Variants in ITPKC observed in about 807,000 individuals in gnomAD.
The protein encoded by ITPKC is inositol-trisphosphate 3-kinase C, also known as IP3 3-kinase C.
A neutral mutation model predicts 67.1 loss-of-function variants in ITPKC; 33 were observed. The observed-to-expected ratio is 0.49, with a 90% CI of 0.37 to 0.66. ITPKC has a LOEUF of 0.66. ITPKC is among the 30% of genes least tolerant of loss of function. The probability of loss-of-function intolerance (pLI) is 0.00; values close to 1 mark genes in which losing one functional copy is unlikely to be tolerated. For synonymous variants in ITPKC, 341 were observed against 359.8 expected, an observed-to-expected ratio of 0.95 and a Z score of 0.59; for missense variants, 820 against 892.1, an observed-to-expected ratio of 0.92 and a Z score of 1.03.
intron 1 of ITPKC, among the ~76,000 whole-genome samples, chr19:40,721,385 G>A (rs1599647769): frequency 1.3e-5 from 2 of 150,404 alleles, no homozygotes; most frequent in Admixed American, 1.3e-4. Flanking sequence ...TTTGGAGGGC[G>A]TGCAGTGCGG....
In ITPKC at chr19:40,717,340, A is replaced by C; in HGVS notation, c.205A>C (p.Ser69Arg). The C allele has an allele frequency of 6.2e-7, 1 of 1,607,578 alleles. No individual in the cohort carries two copies. The highest frequency in any genetic ancestry group is 8.5e-7 in the Non-Finnish European group (1 of 1,178,230). The change falls in exon 1 of 7, where the codon AGC (serine) becomes CGC (arginine). Residue 69 changes from serine to arginine, a missense_variant. Physicochemically the swap from Ser to Arg is moderately radical, Grantham distance 110 (BLOSUM62 -1). Coordinates refer to ENST00000263370, the MANE Select transcript of ITPKC (RefSeq NM_025194.3). The stretch of plus-strand genomic sequence containing the variant: ...CCGGACAGAGGGGTCCAGCCTCCAC[A>C]GCGAGCCTGAGAGGGCCGGCCTCGG... ...WARTEGSSLH[S>R]EPERAGLGPA...
chr19:40,726,011 T>C (rs990739037), intron 2 of ITPKC, among the ~76,000 whole-genome samples: 38 of 148,924 alleles, frequency 2.6e-4, no homozygotes, highest in Non-Finnish European at 4.5e-4. Context: ...GAGGCCGAGG[T>C]GGGTGGATCC....
Position 40,729,192 on chromosome 19 carries a change from C to T in ITPKC, c.1256-10C>T, listed in dbSNP as rs2082259226. 8 of 1,610,662 alleles carry T rather than the reference C, an allele frequency of 5.0e-6. No individual in the cohort carries two copies. Among genetic ancestry groups the T allele is most frequent in the Middle Eastern group, 1.7e-4 (1 of 6,054 alleles). ...GTTCCTGATCCTCTCATTTATTCTACCACCTTTAGGGAACTTCCAGGCAGG... is the reference window on the plus strand; with the variant it reads ...GTTCCTGATCCTCTCATTTATTCTATCACCTTTAGGGAACTTCCAGGCAGG... On this transcript the variant is annotated splice_polypyrimidine_tract_variant and intron_variant, in intron 2 of 6. Coordinates refer to ENST00000263370, the MANE Select transcript of ITPKC (RefSeq NM_025194.3).
chr19:40,738,321 T>C (rs796206471), intron 6 of ITPKC, among the ~76,000 whole-genome samples: 4 of 152,048 alleles, frequency 2.6e-5, no homozygotes, highest in African/African-American at 9.6e-5. Context: ...CCCAGCTACT[T>C]GGGAGGCTGA....
chr19:40,729,386 C>G lies in ITPKC; in HGVS notation c.1440C>G (p.Pro480=). 6.2e-7 allele frequency: 1 copy of G among 1,613,624 alleles called. No homozygotes were observed. The highest frequency in any genetic ancestry group is 8.5e-7 in the Non-Finnish European group (1 of 1,179,872). Reference sequence around the variant, plus strand: ...ACCTCCTGGCTGACTTTGAGGGCCCCTCCATTATGGACTGCAAGATGGGCA... The same window carrying G: ...ACCTCCTGGCTGACTTTGAGGGCCCGTCCATTATGGACTGCAAGATGGGCA... ...MEDLLADFEG[P]SIMDCKMGSR... The change falls in exon 3 of 7, where the codon CCC becomes CCG. Residue 480 remains proline (P), a synonymous_variant. Transcript: ENST00000263370.
intron 1 of ITPKC, among the ~76,000 whole-genome samples, chr19:40,719,723 T>G (rs569730485): frequency 6.6e-6 from 1 of 152,100 alleles, no homozygotes; most frequent in African/African-American, 2.4e-5. Context: ...ACTCCTGACC[T>G]CAAGTGATCC....
chr19:40,717,368 C>T lies in ITPKC; in HGVS notation c.233C>T (p.Pro78Leu). 6.2e-7 allele frequency: 1 copy of T among 1,612,554 alleles called. No individual in the cohort carries two copies. The highest frequency in any genetic ancestry group is 8.5e-7 in the Non-Finnish European group (1 of 1,179,832). Residue 78 changes from proline to leucine, a missense_variant, in exon 1 of 7, where the codon CCT becomes CTT. Physicochemically the swap from Pro to Leu is moderately conservative, Grantham distance 98 (BLOSUM62 -3). Around this residue, in one of 2 missense-constraint regions of ITPKC, gnomAD observed 481 missense variants for 470.1 expected, o/e 1.02. Transcript: ENST00000263370. The part of the protein sequence containing the change: ...HSEPERAGLG[P>L]APGTESPQAE... Reference sequence around the variant, plus strand: ...GAGCCTGAGAGGGCCGGCCTCGGGCCTGCGCCGGGGACAGAGAGTCCGCAG... The same window carrying T: ...GAGCCTGAGAGGGCCGGCCTCGGGCTTGCGCCGGGGACAGAGAGTCCGCAG...
chr19:40,725,580 G>A, intron 2 of ITPKC, 141 bp downstream of exon 2: 5 of 663,754 alleles, frequency 7.5e-6, no homozygotes, highest in Non-Finnish European at 8.2e-6. Context: ...GCAGTGCTTA[G>A]GCCTGGGCCT....
At chr19:40,738,389 G>A (rs1445365730) in intron 6 of ITPKC, among the ~76,000 whole-genome samples, 3 of 151,952 alleles carry the variant, frequency 2.0e-5, no homozygotes, top group African/African-American at 4.8e-5. Context: ...AGATTGTGCC[G>A]CTGCACTCCA....
intron 4 of ITPKC, 107 bp from the exon 5 acceptor site, chr19:40,736,879 G>A (rs1488021089): frequency 4.6e-6 from 3 of 654,098 alleles, no homozygotes; most frequent in Admixed American, 4.6e-5. Flanking sequence ...TGCCCAGGCT[G>A]GTCTTGGCCA....
In ITPKC at chr19:40,735,312, C is replaced by T. The variant is rs1212154999; in HGVS notation, c.1675-1674C>T. 2.0e-5 allele frequency among the ~76,000 whole-genome samples: 3 copies of T among 151,900 alleles called. No homozygotes were observed. The East Asian group carries it at 5.8e-4, about 29-fold the overall frequency. ...CTTGCTTTTTCCTGCCACAAGGCCT[C>T]TGCACCCCTCTGCCAGGAATGCTCT... On this transcript the variant is annotated intron_variant, in intron 4 of 6. Coordinates refer to ENST00000263370, the MANE Select transcript of ITPKC (RefSeq NM_025194.3).
chr19:40,729,697 G>A (rs1443686077), intron 3 of ITPKC, among the ~76,000 whole-genome samples: 1 of 152,106 alleles, frequency 6.6e-6, no homozygotes, highest in Non-Finnish European at 1.5e-5. Flanking sequence ...AACCTGGGAG[G>A]TGGAGGTTGC....
Position 40,737,778 on chromosome 19 carries a change from C to T in ITPKC, c.1848+9C>T. The T allele has an allele frequency of 6.2e-7, 1 of 1,613,030 alleles. No individual in the cohort carries two copies. Among genetic ancestry groups the T allele is most frequent in the Non-Finnish European group, 8.5e-7 (1 of 1,179,064 alleles). The stretch of plus-strand genomic sequence containing the variant: ...TCTTCAAGACCCACGAGGTGCGAGC[C>T]CTGGCTTCCATGGGTGGATGTATGG... On this transcript the variant is annotated intron_variant, in intron 6 of 6. Transcript: ENST00000263370.
chr19:40,719,922 ACT>A (rs1239660207), intron 1 of ITPKC, among the ~76,000 whole-genome samples: 1 of 151,718 alleles, frequency 6.6e-6, no homozygotes, highest in Non-Finnish European at 1.5e-5. Context: ...TACACCAGAC[ACT>A]GTTTTAAGTT....
At chr19:40,737,550 C>A (rs1210891458) in intron 5 of ITPKC, 148 bp from the exon 6 acceptor site, 3 of 703,810 alleles carry the variant, frequency 4.3e-6, no homozygotes, top group Non-Finnish European at 7.7e-6. Context: ...GCCCTCACTC[C>A]TCTGCCCTGT....
At chr19:40,737,637 C>G in intron 5 of ITPKC, 61 bp from the exon 6 acceptor site, 1 of 1,455,736 alleles carries the variant, frequency 6.9e-7, no homozygotes. Flanking sequence ...GGTCAGAGCT[C>G]AAGGTGGGCA....
rs779252153 is a variant in ITPKC at position 40,717,929 on chromosome 19, G to T, written c.794G>T (p.Gly265Val). ...TEAARKQPGT[G>V]GFQIQQDTDG... ...GCAGCCAGGAAACAGCCTGGCACTG[G>T]TGGTTTCCAAATACAACAGGATACT... Residue 265 changes from glycine to valine, a missense_variant, in exon 1 of 7, where the codon GGT becomes GTT. By Grantham distance (109) the Gly-to-Val change is moderately radical. Around this residue, in one of 2 missense-constraint regions of ITPKC, gnomAD observed 481 missense variants for 470.1 expected, o/e 1.02. Transcript: ENST00000263370. The T allele has an allele frequency of 1.5e-5, 24 of 1,613,988 alleles. No homozygotes were observed. Among genetic ancestry groups the T allele is most frequent in the Non-Finnish European group, 1.9e-5 (22 of 1,180,022 alleles).
intron 1 of ITPKC, among the ~76,000 whole-genome samples, chr19:40,721,857 C>G (rs1217596060): frequency 1.3e-5 from 2 of 151,938 alleles, no homozygotes; most frequent in African/African-American, 4.8e-5. Flanking sequence ...AAAGAACTAG[C>G]TAGATGTGGT....
intron 2 of ITPKC, 86 bp from the exon 3 acceptor site, chr19:40,729,116 C>A: frequency 9.7e-7 from 1 of 1,034,764 alleles, no homozygotes; most frequent in Non-Finnish European, 1.5e-6. Flanking sequence ...ATAATGGTGG[C>A]CAGGATCTGA....
Sources: allele counts gnomAD v4.1 joint callset (sites outside exome capture counted in the v4.1 genomes callset), GRCh38; gene constraint gnomAD v4.1.1; regional missense constraint gnomAD v4.1.1; transcripts MANE v1.5; gene names NCBI Gene and HGNC (gene_info 2026-07-23, HGNC 2026-07-21).